ZNF292: variants seen among roughly 807,000 people sequenced by gnomAD.
ZNF292 encodes 16 zinc-finger domain protein.
In ZNF292, 26 loss-of-function variants were observed where a neutral mutation model predicts 217.9. The observed-to-expected ratio is 0.12, with a 90% CI of 0.09 to 0.17. The LOEUF (loss-of-function observed/expected upper bound fraction) is 0.17. ZNF292 is among the 10% of genes least tolerant of loss of function. The pLI is 1.00. For synonymous variants in ZNF292, 1,257 were observed against 1,124.1 expected (o/e 1.12, Z -2.37); for missense variants, 2,904 against 3,175.2 (o/e 0.91, Z 2.05).
intron 1 of ZNF292, among the ~76,000 whole-genome samples, chr6:87,204,156 G>T (rs919302593): frequency 6.6e-6 from 1 of 152,194 alleles, no homozygotes; most frequent in Non-Finnish European, 1.5e-5. Flanking sequence ...TGGTGCCAGG[G>T]TCCTGAAAGA....
chr6:87,220,174 T>C (rs1773011271), intron 4 of ZNF292, among the ~76,000 whole-genome samples: 1 of 152,104 alleles, frequency 6.6e-6, no homozygotes, highest in African/African-American at 2.4e-5. Flanking sequence ...TTTTTTGCCT[T>C]GCCATATTAA....
At chr6:87,213,022 T>C (rs1448213861) in intron 1 of ZNF292, among the ~76,000 whole-genome samples, 1 of 152,214 alleles carries the variant, frequency 6.6e-6, no homozygotes, top group Non-Finnish European at 1.5e-5. Context: ...AGCAGATTAA[T>C]AGGAGAAATG....
In ZNF292 at chr6:87,255,741, G is replaced by A. The variant is rs375509766; in HGVS notation, c.2112G>A (p.Gly704=). ...AAAATTTAATTGCTCATGTGAAGGG[G>A]CATAAAGATAATGAAGACGCCAAGC... The part of the protein sequence containing the change: ...YFKNLIAHVK[G]HKDNEDAKRF... Residue 704 remains glycine, a synonymous_variant, in exon 8 of 8, where the codon GGG becomes GGA. Coordinates refer to ENST00000369577, the MANE Select transcript of ZNF292 (RefSeq NM_015021.3). 533 of 1,613,602 alleles carry A rather than the reference G, an allele frequency of 3.3e-4. No individual in the cohort carries two copies. Among genetic ancestry groups the A allele is most frequent in the Non-Finnish European group, 4.0e-4 (469 of 1,179,816 alleles).
At chr6:87,170,635 T>C (rs879625820) in intron 1 of ZNF292, among the ~76,000 whole-genome samples, 3 of 152,184 alleles carry the variant, frequency 2.0e-5, no homozygotes, top group Non-Finnish European at 4.4e-5. Context: ...ATGAAAATAT[T>C]TGTGGTGTGG....
chr6:87,172,030 A>G (rs1273924537), intron 1 of ZNF292, among the ~76,000 whole-genome samples: 1 of 152,248 alleles, frequency 6.6e-6, no homozygotes, highest in Non-Finnish European at 1.5e-5. Flanking sequence ...GCAAATACTA[A>G]CAAAGGTAAC....
At chr6:87,180,131 TAGCTG>T (rs1771427907) in intron 1 of ZNF292, among the ~76,000 whole-genome samples, 1 of 152,126 alleles carries the variant, frequency 6.6e-6, no homozygotes, top group South Asian at 2.1e-4. Flanking sequence ...ACACTAACAA[TAGCTG>T]ATGAGCTGAA....
chr6:87,248,650 C>G (rs1208100179), intron 7 of ZNF292, among the ~76,000 whole-genome samples: 2 of 152,188 alleles, frequency 1.3e-5, no homozygotes, highest in Admixed American at 1.3e-4. Flanking sequence ...AGTTTTAAAT[C>G]ATAGGTTGTG....
At chr6:87,246,499 A>G (rs1281117022) in intron 7 of ZNF292, among the ~76,000 whole-genome samples, 1 of 152,198 alleles carries the variant, frequency 6.6e-6, no homozygotes, top group Non-Finnish European at 1.5e-5. Context: ...AGATTGGGAT[A>G]TGTTGCTTCT....
intron 5 of ZNF292, among the ~76,000 whole-genome samples, chr6:87,241,744 C>T (rs1421393134): frequency 1.3e-5 from 2 of 152,158 alleles, no homozygotes; most frequent in African/African-American, 4.8e-5. Context: ...TAATGTCAGC[C>T]AGACATGATT....
At chr6:87,212,071 AC>A (rs34149582) in intron 1 of ZNF292, among the ~76,000 whole-genome samples, 3 of 152,084 alleles carry the variant, frequency 2.0e-5, no homozygotes, top group Admixed American at 6.5e-5. Flanking sequence ...GGTTCTCACA[AC>A]CCCCTCCTCA....
intron 1 of ZNF292, among the ~76,000 whole-genome samples, chr6:87,207,194 T>G (rs1772284076): frequency 1.3e-5 from 2 of 152,332 alleles, no homozygotes; most frequent in Admixed American, 1.3e-4. Flanking sequence ...AAATAGTACA[T>G]AAGCAAATGA....
Position 87,261,931 on chromosome 6 carries a change from A to C in ZNF292, c.*130A>C. ...ATGAATTAACCTGGCCAAAAACAAA[A>C]AAGAAAAAAAAAACATGACATTTGT... On this transcript the variant is annotated 3_prime_UTR_variant, in exon 8 of 8. Transcript: ENST00000369577. The C allele has an allele frequency of 1.5e-6, 1 of 677,036 alleles. No individual in the cohort carries two copies. 41.9% of individuals were successfully genotyped at this position (677,036 alleles called of 1,614,324 possible).
intron 1 of ZNF292, among the ~76,000 whole-genome samples, chr6:87,171,917 A>C (rs1272360820): frequency 6.6e-6 from 1 of 152,222 alleles, no homozygotes; most frequent in Non-Finnish European, 1.5e-5. Context: ...GAACATACTT[A>C]TTATTGAACA....
At chr6:87,234,593 A>G (rs1018021105) in intron 5 of ZNF292, among the ~76,000 whole-genome samples, 6 of 151,858 alleles carry the variant, frequency 4.0e-5, no homozygotes, top group Admixed American at 2.0e-4. Flanking sequence ...AAGAAAACCT[A>G]TAGTAGGTTG....
intron 1 of ZNF292, among the ~76,000 whole-genome samples, chr6:87,180,149 GCAAAA>G (rs1177622033): frequency 3.3e-5 from 5 of 152,086 alleles, no homozygotes; most frequent in Admixed American, 2.6e-4. Flanking sequence ...GAGCTGAATC[GCAAAA>G]CAAAACAAAA....
chr6:87,168,258 A>G (rs555507139), intron 1 of ZNF292, among the ~76,000 whole-genome samples: 1 of 152,374 alleles, frequency 6.6e-6, no homozygotes, highest in African/African-American at 2.4e-5. Flanking sequence ...CATCATTACT[A>G]CTATGTAATA....
chr6:87,256,262 T>G lies in ZNF292; in HGVS notation c.2633T>G (p.Ile878Ser), dbSNP rs773899914. Residue 878 changes from isoleucine (I) to serine (S), a missense_variant, in exon 8 of 8, where the codon ATT (isoleucine) becomes AGT (serine). By Grantham distance (142) the Ile-to-Ser change is moderately radical. Transcript: ENST00000369577. ...ERSMLPSENN[I>S]ENSLLADRSD... ...TCTATGCTTCCTTCAGAAAATAACA[T>G]TGAAAACAGCTTACTAGCAGATAGA... is the stretch of plus-strand genomic sequence containing the variant. 8.7e-6 allele frequency: 14 copies of G among 1,613,864 alleles called. No homozygotes were observed. The highest frequency in any genetic ancestry group is 1.2e-5 in the Non-Finnish European group (14 of 1,179,824).
chr6:87,205,956 C>T (rs1428602534), intron 1 of ZNF292, among the ~76,000 whole-genome samples: 1 of 152,184 alleles, frequency 6.6e-6, no homozygotes, highest in Admixed American at 6.5e-5. Flanking sequence ...TAAGCATTAT[C>T]GCTCACTCAT....
At chr6:87,183,571 A>AT (rs2127779360) in intron 1 of ZNF292, among the ~76,000 whole-genome samples, 1 of 152,266 alleles carries the variant, frequency 6.6e-6, no homozygotes, top group South Asian at 2.1e-4. Flanking sequence ...GGAAAAAATA[A>AT]TTTTTACAAA....
Sources: allele counts gnomAD v4.1 joint callset (sites outside exome capture counted in the v4.1 genomes callset), GRCh38; gene constraint gnomAD v4.1.1; transcripts MANE v1.5; gene names NCBI Gene and HGNC (gene_info 2026-07-23, HGNC 2026-07-21).